NSMCE2: variants seen among roughly 807,000 people sequenced by gnomAD.
NSMCE2 encodes NSE2 SUMO ligase component of SMC5/6 complex.
Under a neutral mutation model 23.8 loss-of-function variants are expected in NSMCE2, and 24 were observed. The observed-to-expected ratio is 1.01, with a 90% CI of 0.73 to 1.42. NSMCE2 has a LOEUF of 1.42. NSMCE2 is among the 40% of genes most tolerant of loss of function. The pLI is 0.00. For synonymous variants in NSMCE2, 92 were observed against 94.1 expected (o/e 0.98, Z 0.13); for missense variants, 284 against 296.5 (o/e 0.96, Z 0.31).
At chr8:125,155,195 G>T (rs752619364) in intron 4 of NSMCE2, among the ~76,000 whole-genome samples, 1 of 152,178 alleles carries the variant, frequency 6.6e-6, no homozygotes, top group East Asian at 1.9e-4. Context: ...AGCATTCAGG[G>T]AGAGTTAATA....
intron 5 of NSMCE2, among the ~76,000 whole-genome samples, chr8:125,299,804 CTTTTTT>C (rs58789139): frequency 1.7e-4 from 12 of 70,262 alleles, no homozygotes; most frequent in South Asian, 1.1e-3. Context: ...TTTTGGCTTT[CTTTTTT>C]TTTTTTTTTT....
chr8:125,341,712 A>G (rs1043545089), intron 5 of NSMCE2, among the ~76,000 whole-genome samples: 1 of 152,152 alleles, frequency 6.6e-6, no homozygotes, highest in Non-Finnish European at 1.5e-5. Flanking sequence ...GCCAAGGTCC[A>G]GACTTAACCT....
chr8:125,336,280 C>A lies in NSMCE2; in HGVS notation c.419-20939C>A, dbSNP rs1346752159. The stretch of plus-strand genomic sequence containing the variant: ...AAATAATCAATTACTCAATTAAATT[C>A]AATTCAATACTCAGTTAAATACTCA... On this transcript the variant is annotated intron_variant, in intron 5 of 7. Coordinates refer to ENST00000287437, the MANE Select transcript of NSMCE2 (RefSeq NM_173685.4). Among the ~76,000 whole-genome samples, 13 of 152,182 alleles carry A rather than the reference C, an allele frequency of 8.5e-5. 1 individual carries two copies. The East Asian group carries it at 1.9e-3, about 23-fold the overall frequency.
intron 5 of NSMCE2, among the ~76,000 whole-genome samples, chr8:125,356,243 G>C (rs533785787): frequency 9.9e-5 from 15 of 151,550 alleles, no homozygotes; most frequent in African/African-American, 3.4e-4. Context: ...TATGGGGGGG[G>C]GTGTTCTGGA....
intron 5 of NSMCE2, among the ~76,000 whole-genome samples, chr8:125,284,573 C>T (rs1345395630): frequency 1.3e-5 from 2 of 152,184 alleles, no homozygotes; most frequent in African/African-American, 4.8e-5. Flanking sequence ...TGATTTCTCA[C>T]ATTTTCAAAG....
chr8:125,342,644 C>T (rs960300334), intron 5 of NSMCE2, among the ~76,000 whole-genome samples: 2 of 152,136 alleles, frequency 1.3e-5, no homozygotes, highest in Non-Finnish European at 2.9e-5. Context: ...CTCCCTCCCT[C>T]TTTCCCTCCC....
In NSMCE2 at chr8:125,134,753, G is replaced by T. The variant is rs552204688; in HGVS notation, c.158-16418G>T. Among the ~76,000 whole-genome samples the T allele has an allele frequency of 6.2e-5, 9 of 145,866 alleles. No individual in the cohort carries two copies. The East Asian group carries it at 9.9e-4, about 16-fold the overall frequency. ...TTTTTTTTTTTTTTTTAAGAGTCGG[G>T]GTCTTGCTCTGTTGCTCAGGCTGGA... On this transcript the variant is annotated intron_variant, in intron 3 of 7. Coordinates refer to ENST00000287437, the MANE Select transcript of NSMCE2 (RefSeq NM_173685.4).
intron 5 of NSMCE2, among the ~76,000 whole-genome samples, chr8:125,222,151 C>T (rs1276568445): frequency 6.6e-6 from 1 of 151,716 alleles, no homozygotes; most frequent in African/African-American, 2.4e-5. Flanking sequence ...AGCAGGCATG[C>T]AAATTACTAA....
intron 5 of NSMCE2, among the ~76,000 whole-genome samples, chr8:125,318,623 A>T (rs1829302057): frequency 6.6e-6 from 1 of 152,210 alleles, no homozygotes; most frequent in South Asian, 2.1e-4. Context: ...CTTCTGATCA[A>T]GATTAAATAA....
chr8:125,171,936 G>A (rs1048704113), intron 4 of NSMCE2, among the ~76,000 whole-genome samples: 6 of 152,204 alleles, frequency 3.9e-5, no homozygotes, highest in South Asian at 2.1e-4. Flanking sequence ...CAGTGTGACC[G>A]AGGAACTCAG....
At chr8:125,281,731 G>A (rs895215682) in intron 5 of NSMCE2, among the ~76,000 whole-genome samples, 5 of 150,428 alleles carry the variant, frequency 3.3e-5, no homozygotes, top group South Asian at 2.1e-4. Flanking sequence ...ATGAGCCACC[G>A]TGCACGGCCG....
intron 3 of NSMCE2, among the ~76,000 whole-genome samples, chr8:125,140,765 T>C (rs1477229882): frequency 6.6e-6 from 1 of 152,158 alleles, no homozygotes; most frequent in Admixed American, 6.5e-5. Flanking sequence ...GCCTCTTGGG[T>C]TTCCAAGTCA....
intron 3 of NSMCE2, among the ~76,000 whole-genome samples, chr8:125,117,362 C>T (rs1337153694): frequency 6.6e-6 from 1 of 152,034 alleles, no homozygotes; most frequent in Non-Finnish European, 1.5e-5. Context: ...GCTAGGATTA[C>T]AGGCGTGAGC....
intron 5 of NSMCE2, among the ~76,000 whole-genome samples, chr8:125,267,731 C>A (rs1427728767): frequency 6.6e-6 from 1 of 152,146 alleles, no homozygotes; most frequent in African/African-American, 2.4e-5. Context: ...GAGCCAAGAT[C>A]GTGCCACTGC....
intron 5 of NSMCE2, among the ~76,000 whole-genome samples, chr8:125,235,561 T>C (rs1825508504): frequency 6.6e-6 from 1 of 152,120 alleles, no homozygotes; most frequent in African/African-American, 2.4e-5. Flanking sequence ...TAGATGTATA[T>C]ATAGATACAT....
chr8:125,170,929 G>A (rs891709667), intron 4 of NSMCE2, among the ~76,000 whole-genome samples: 1 of 152,096 alleles, frequency 6.6e-6, no homozygotes, highest in Non-Finnish European at 1.5e-5. Flanking sequence ...TTACTACTCT[G>A]TGCAAAACCT....
In NSMCE2 at chr8:125,146,502, T is replaced by C. The variant is rs555744345; in HGVS notation, c.158-4669T>C. Among the ~76,000 whole-genome samples, 12 of 152,216 alleles carry C rather than the reference T, an allele frequency of 7.9e-5. No homozygotes were observed. The East Asian group carries it at 2.3e-3, about 29-fold the overall frequency. On this transcript the variant is annotated intron_variant, in intron 3 of 7. Coordinates refer to ENST00000287437, the MANE Select transcript of NSMCE2 (RefSeq NM_173685.4). Reference sequence around the variant, plus strand: ...CAAAGACTTGGAACCAACCCAAATGTCCAACAATGATAGACTGGATTAAGA... The same window carrying C: ...CAAAGACTTGGAACCAACCCAAATGCCCAACAATGATAGACTGGATTAAGA...
At chr8:125,309,994 G>GT (rs1027188662) in intron 5 of NSMCE2, among the ~76,000 whole-genome samples, 1 of 152,196 alleles carries the variant, frequency 6.6e-6, no homozygotes, top group Non-Finnish European at 1.5e-5. Flanking sequence ...CTGGCAGGCT[G>GT]TTTCTTTCTC....
chr8:125,130,111 TGTAATCCTGACAG>T, intron 3 of NSMCE2: 1 of 339,882 alleles, frequency 2.9e-6, no homozygotes, highest in Non-Finnish European at 6.0e-6. Flanking sequence ...TTTTTTTTCT[TGTAATCCTGACAG>T]TTTTGAGGAA....
Sources: allele counts gnomAD v4.1 joint callset (sites outside exome capture counted in the v4.1 genomes callset), GRCh38; gene constraint gnomAD v4.1.1; transcripts MANE v1.5; gene names NCBI Gene and HGNC (gene_info 2026-07-23, HGNC 2026-07-21).